FAM83E: variants seen among roughly 807,000 people sequenced by gnomAD.
The protein encoded by FAM83E is scaffolding CK1 anchoring protein E, also known as protein FAM83E.
FAM83E carries 29 observed loss-of-function variants against 34.3 expected under a neutral mutation model. The observed-to-expected ratio is 0.85, with a 90% confidence interval of 0.63 to 1.15. FAM83E has a LOEUF of 1.15. Among genes scored for constraint, FAM83E ranks in the 50% most tolerant of loss-of-function variants. FAM83E has a pLI of 0.00. For synonymous variants in FAM83E, 312 were observed against 311.6 expected, an observed-to-expected ratio of 1.00 and a Z score of -0.01; for missense variants, 697 against 685.0, an observed-to-expected ratio of 1.02 and a Z score of -0.20.
chr19:48,603,957 C>T lies in FAM83E; in HGVS notation c.759-46G>A, dbSNP rs747618671. The T allele has an allele frequency of 5.6e-5, 87 of 1,560,768 alleles. No individual in the cohort carries two copies. In the South Asian group the frequency reaches 9.6e-4, roughly 17 times the overall value. On this transcript the variant is annotated intron_variant, in intron 5 of 6. Transcript: ENST00000263266. Reference sequence around the variant, plus strand: ...GGTCAGAGTCTCCAACCCTGAGGGCCCAGCCCGGCCCCCATCCTCAGCCAG... The same window carrying T: ...GGTCAGAGTCTCCAACCCTGAGGGCTCAGCCCGGCCCCCATCCTCAGCCAG...
At position 48,613,882 on chromosome 19, in the gene FAM83E, G is replaced by T; in HGVS notation, c.-510C>A. 1 of 985,320 alleles carries T rather than the reference G, an allele frequency of 1.0e-6. No homozygotes were observed. The highest frequency in any genetic ancestry group is 4.7e-5 in the South Asian group (1 of 21,280). The allele number at this position is 985,320 out of a possible 1,614,324, so 61.0% of individuals were successfully genotyped here. The stretch of plus-strand genomic sequence containing the variant: ...CCTGCCTGTCTCTAATCACCCAAAG[G>T]TCCTTAAAGGCACGACAGGTTGCCT... On this transcript the variant is annotated 5_prime_UTR_variant, in exon 3 of 7. Coordinates refer to ENST00000263266, the MANE Select transcript of FAM83E (RefSeq NM_017708.4).
chr19:48,612,156 G>A (rs1974052682), intron 3 of FAM83E, among the ~76,000 whole-genome samples: 3 of 152,200 alleles, frequency 2.0e-5, no homozygotes, highest in Admixed American at 6.5e-5. Context: ...GGACGATGAT[G>A]CACATTAGTC....
rs1377208490 is a variant in FAM83E at position 48,603,497 on chromosome 19, G to A, written c.1173C>T (p.Asn391=). ...GGCACCAGCCACAAGGTCTCACCTC[G>A]TTGTCCCCATCACTGGAGCCAGACA... ...SQLSGSSDGD[N]ELKKSWGSKD... Residue 391 remains asparagine (N), a synonymous_variant, in exon 6 of 7, where the codon AAC becomes AAT. Transcript: ENST00000263266. 3.2e-6 allele frequency: 5 copies of A among 1,564,342 alleles called. No individual in the cohort carries two copies. The highest frequency in any genetic ancestry group is 2.8e-5 in the African/African-American group (2 of 71,372).
intron 4 of FAM83E, 27 bp downstream of exon 4, chr19:48,610,653 C>T: frequency 1.3e-6 from 2 of 1,548,752 alleles, no homozygotes; most frequent in Non-Finnish European, 1.7e-6. Flanking sequence ...AATGGGGACT[C>T]ACAGGACCCC....
In FAM83E at chr19:48,607,057, G is replaced by A. The variant is rs751927755; in HGVS notation, c.758+2819C>T. ...GGGCGTCAAGGACTGCGTCTTCTGT[G>A]AGCTCACCGACTCCATGCAGTGTCC... On this transcript the variant is annotated intron_variant, in intron 5 of 6. Transcript: ENST00000263266. The A allele has an allele frequency of 3.1e-6, 5 of 1,612,970 alleles. No individual in the cohort carries two copies. The South Asian group carries it at 5.5e-5, about 18-fold the overall frequency.
In FAM83E at chr19:48,600,703, G is replaced by A. The variant is rs962770702; in HGVS notation, c.*406C>T. On this transcript the variant is annotated 3_prime_UTR_variant, in exon 7 of 7. Transcript: ENST00000263266. ...CTCTCACTGTGTTGCCCAGGCTGGA[G>A]TGCAAGGGCATGATCTTGGCTCACT... is the stretch of plus-strand genomic sequence containing the variant. 1.9e-5 allele frequency: 3 copies of A among 158,380 alleles called. No homozygotes were observed. Among genetic ancestry groups the A allele is most frequent in the East Asian group, 1.8e-4 (1 of 5,528 alleles). 9.8% of individuals were successfully genotyped at this position (158,380 alleles called of 1,614,324 possible). A position where few individuals can be genotyped will look rare whatever the true frequency, so the allele number is the denominator to read the frequency against.
rs544952869 is a variant in FAM83E at position 48,613,864 on chromosome 19, G to C, written c.-492C>G. On this transcript the variant is annotated 5_prime_UTR_variant, in exon 3 of 7. Transcript: ENST00000263266. ...TTTCCAGGCGGCAAGCTGCCTGCCTGTCTCTAATCACCCAAAGGTCCTTAA... is the reference window on the plus strand; with the variant it reads ...TTTCCAGGCGGCAAGCTGCCTGCCTCTCTCTAATCACCCAAAGGTCCTTAA... 7.1e-6 allele frequency: 7 copies of C among 985,366 alleles called. No individual in the cohort carries two copies. In the South Asian group the frequency reaches 3.3e-4, roughly 46 times the overall value. 61.0% of individuals were successfully genotyped at this position (985,366 alleles called of 1,614,324 possible).
chr19:48,606,308 G>A (rs1423342645), intron 5 of FAM83E, among the ~76,000 whole-genome samples: 2 of 152,070 alleles, frequency 1.3e-5, no homozygotes, highest in African/African-American at 2.4e-5. Flanking sequence ...GAGAGACTCC[G>A]TCTCAAAAAA....
chr19:48,604,322 ATTT>A (rs913336534), intron 5 of FAM83E, among the ~76,000 whole-genome samples: 16 of 97,914 alleles, frequency 1.6e-4, no homozygotes, highest in East Asian at 6.3e-4. Context: ...TGACCCTGGG[ATTT>A]TTTTTTTTTT....
chr19:48,612,838 G>T (rs779862846), intron 3 of FAM83E, 70 bp downstream of exon 3: 2 of 1,457,810 alleles, frequency 1.4e-6, no homozygotes, highest in East Asian at 5.0e-5. Context: ...GTCCCAGGAG[G>T]ACAAGGGAGA....
chr19:48,602,848 T>TA (rs2147639037), intron 6 of FAM83E, among the ~76,000 whole-genome samples: 1 of 140,060 alleles, frequency 7.1e-6, no homozygotes, highest in African/African-American at 2.6e-5. Context: ...TTATTATTAT[T>TA]ATTATTATTA....
chr19:48,614,130 G>A lies in FAM83E; in HGVS notation c.-758C>T. ...GCTCGCTCAGCCTTAAAGGCCGAAG[G>A]CTTGGCAAACCCTTCCCTACCCTGT... On this transcript the variant is annotated 5_prime_UTR_variant, in exon 3 of 7. Transcript: ENST00000263266. The A allele has an allele frequency of 1.0e-6, 1 of 985,714 alleles. No individual in the cohort carries two copies. The highest frequency in any genetic ancestry group is 1.2e-6 in the Non-Finnish European group (1 of 830,150). The allele number at this position is 985,714 out of a possible 1,614,324, so 61.1% of individuals were successfully genotyped here.
chr19:48,601,261 C>G lies in FAM83E; in HGVS notation c.1285G>C (p.Gly429Arg). The G allele has an allele frequency of 1.3e-6, 2 of 1,598,008 alleles. No individual in the cohort carries two copies. Among genetic ancestry groups the G allele is most frequent in the Non-Finnish European group, 1.7e-6 (2 of 1,171,976 alleles). Residue 429 changes from glycine (G) to arginine (R), a missense_variant, in exon 7 of 7, where the codon GGT becomes CGT. Physicochemically the swap from Gly to Arg is moderately radical, Grantham distance 125. Coordinates refer to ENST00000263266, the MANE Select transcript of FAM83E (RefSeq NM_017708.4). ...TGGGCGGGGGGCAGGGGCAGGGCACCGCCCCACGGAGGTCGGGAGTCCACT... is the reference window on the plus strand; with the variant it reads ...TGGGCGGGGGGCAGGGGCAGGGCACGGCCCCACGGAGGTCGGGAGTCCACT... Reference protein sequence around the residue: ...GEVDSRPPWGGALPLPPAHRL... With the variant: ...GEVDSRPPWGRALPLPPAHRL...
chr19:48,601,440 A>G (rs1300301737), intron 6 of FAM83E, 71 bp from the exon 7 acceptor site: 1 of 1,525,588 alleles, frequency 6.6e-7, no homozygotes, highest in Non-Finnish European at 8.8e-7. Context: ...GATCCAGGGA[A>G]GGCAGGAGGT....
chr19:48,602,686 CAAAAA>C (rs746923737), intron 6 of FAM83E, among the ~76,000 whole-genome samples: 29 of 5,008 alleles, frequency 5.8e-3, no homozygotes, highest in African/African-American at 0.025. Context: ...GACCCTATCT[CAAAAA>C]AAAAAAAAAA....
rs999417877 is a variant in FAM83E at position 48,615,075 on chromosome 19, A to C, written c.-1526T>G. Reference sequence around the variant, plus strand: ...GCCTGCACCCTGCACTTCCCGGTCCACGCCCCACCCGCCATCCCAGCACCA... The same window carrying C: ...GCCTGCACCCTGCACTTCCCGGTCCCCGCCCCACCCGCCATCCCAGCACCA... On this transcript the variant is annotated 5_prime_UTR_variant, in exon 1 of 7. Coordinates refer to ENST00000263266, the MANE Select transcript of FAM83E (RefSeq NM_017708.4). 1.3e-5 allele frequency among the ~76,000 whole-genome samples: 2 copies of C among 151,970 alleles called. No individual in the cohort carries two copies. Among genetic ancestry groups the C allele is most frequent in the African/African-American group, 4.8e-5 (2 of 41,384 alleles).
chr19:48,602,361 G>A (rs1367556961), intron 6 of FAM83E, among the ~76,000 whole-genome samples: 1 of 150,938 alleles, frequency 6.6e-6, no homozygotes, highest in Non-Finnish European at 1.5e-5. Context: ...AGAGGAGGAA[G>A]CAGGTAAGGA....
In FAM83E at chr19:48,610,837, A is replaced by C; in HGVS notation, c.476T>G (p.Val159Gly). The C allele has an allele frequency of 6.3e-7, 1 of 1,594,178 alleles. No individual in the cohort carries two copies. Residue 159 changes from valine (V) to glycine (G), a missense_variant, in exon 4 of 7, where the codon GTG (valine) becomes GGG (glycine). Transcript: ENST00000263266. ...EIQAAHKLVA[V>G]VMDVFTDPDL... ...TGGGTCAGTGAAGACGTCCATGACC[A>C]CGGCCACCAGCTGGGCATGGGGAGA... is the stretch of plus-strand genomic sequence containing the variant.
At chr19:48,603,014 G>C (rs969375962) in intron 6 of FAM83E, among the ~76,000 whole-genome samples, 18 of 151,220 alleles carry the variant, frequency 1.2e-4, no homozygotes, top group African/African-American at 4.4e-4. Flanking sequence ...AACACACCCA[G>C]CGAATTTTTT....
Sources: allele counts gnomAD v4.1 joint callset (sites outside exome capture counted in the v4.1 genomes callset), GRCh38; gene constraint gnomAD v4.1.1; transcripts MANE v1.5; gene names NCBI Gene and HGNC (gene_info 2026-07-23, HGNC 2026-07-21).